The following SCAPER variants were observed in gnomAD, a reference collection of about 807,000 sequenced individuals.
SCAPER encodes S phase cyclin A-associated protein in the endoplasmic reticulum.
Under a neutral mutation model 182.2 loss-of-function variants are expected in SCAPER, and 98 were observed. That is an observed-to-expected ratio of 0.54 (90% CI 0.46 to 0.64). The LOEUF (loss-of-function observed/expected upper bound fraction) is 0.64, where lower values mean the gene tolerates loss of function less well. SCAPER is among the 30% of genes least tolerant of loss of function. SCAPER has a pLI of 0.00. For missense variants in SCAPER, 1,432 were observed against 1,690.0 expected (o/e 0.85, Z 2.68); for synonymous variants, 605 against 564.6 (o/e 1.07, Z -1.01).
At chr15:76,728,763 A>G (rs1257906859) in intron 16 of SCAPER, 26 bp from the exon 17 acceptor site, 1 of 1,591,036 alleles carries the variant, frequency 6.3e-7, no homozygotes, top group African/African-American at 1.4e-5. Flanking sequence ...TTTGTTTCCA[A>G]TATTAGAATT....
At chr15:76,780,891 T>A (rs1247527175) in intron 8 of SCAPER, among the ~76,000 whole-genome samples, 1 of 152,044 alleles carries the variant, frequency 6.6e-6, no homozygotes, top group Non-Finnish European at 1.5e-5. Flanking sequence ...GTCACCAACA[T>A]CAAGGATCAA....
At chr15:76,507,036 A>T (rs1165616986) in intron 23 of SCAPER, among the ~76,000 whole-genome samples, 3 of 152,182 alleles carry the variant, frequency 2.0e-5, no homozygotes, top group Non-Finnish European at 4.4e-5. Context: ...AAAAAATAAG[A>T]TAGCAACTTA....
At chr15:76,609,435 T>G (rs1297176236) in intron 22 of SCAPER, among the ~76,000 whole-genome samples, 1 of 152,072 alleles carries the variant, frequency 6.6e-6, no homozygotes, top group African/African-American at 2.4e-5. Flanking sequence ...TACAGTAAGC[T>G]ATGATCATGC....
At chr15:76,490,186 A>T (rs2052148378) in intron 24 of SCAPER, among the ~76,000 whole-genome samples, 1 of 152,208 alleles carries the variant, frequency 6.6e-6, no homozygotes, top group South Asian at 2.1e-4. Flanking sequence ...TGGGTCATAC[A>T]GTAGTTCTAC....
intron 17 of SCAPER, among the ~76,000 whole-genome samples, chr15:76,710,488 C>G (rs2059504008): frequency 6.6e-6 from 1 of 152,010 alleles, no homozygotes; most frequent in African/African-American, 2.4e-5. Context: ...TTTCTACATA[C>G]TAGCAAGAAA....
At chr15:76,896,968 T>A (rs937206234) in intron 1 of SCAPER, among the ~76,000 whole-genome samples, 9 of 151,856 alleles carry the variant, frequency 5.9e-5, no homozygotes, top group East Asian at 1.9e-4. Context: ...TTTTTTTTTT[T>A]AAAAAGAGTA....
chr15:76,500,951 G>A (rs1239720055), intron 24 of SCAPER, among the ~76,000 whole-genome samples: 1 of 151,702 alleles, frequency 6.6e-6, no homozygotes, highest in African/African-American at 2.4e-5. Context: ...GCTGAGGCAC[G>A]TGAATCGCTT....
At chr15:76,466,351 T>C (rs1195000990) in intron 25 of SCAPER, among the ~76,000 whole-genome samples, 4 of 149,300 alleles carry the variant, frequency 2.7e-5, no homozygotes, top group Admixed American at 2.0e-4. Context: ...GAGTCTGCTG[T>C]TGAACCCCTA....
At chr15:76,730,761 AT>A (rs1312702700) in intron 16 of SCAPER, among the ~76,000 whole-genome samples, 2 of 152,138 alleles carry the variant, frequency 1.3e-5, no homozygotes, top group Non-Finnish European at 2.9e-5. Context: ...GAGGAATGTA[AT>A]TTTTTAAATC....
intron 5 of SCAPER, among the ~76,000 whole-genome samples, chr15:76,807,227 A>G (rs2066231230): frequency 6.6e-6 from 1 of 152,178 alleles, no homozygotes; most frequent in Admixed American, 6.5e-5. Context: ...CAGGTTAAGG[A>G]ATTTCCCTAT....
chr15:76,718,459 C>T (rs940536745), intron 17 of SCAPER, among the ~76,000 whole-genome samples: 4 of 151,978 alleles, frequency 2.6e-5, no homozygotes, highest in Admixed American at 6.6e-5. Context: ...GAGGCAAAAG[C>T]GGGCGGATCA....
chr15:76,498,350 G>A (rs759227150), intron 24 of SCAPER: 8 of 152,108 alleles, frequency 5.3e-5, no homozygotes, highest in Non-Finnish European at 7.4e-5. Flanking sequence ...ACCTGCTTCT[G>A]GAGCACAGTG....
At chr15:76,544,065 A>G (rs1309474816) in intron 23 of SCAPER, among the ~76,000 whole-genome samples, 1 of 152,168 alleles carries the variant, frequency 6.6e-6, no homozygotes, top group African/African-American at 2.4e-5. Flanking sequence ...AAATGGCTGA[A>G]ATGTATATGA....
At chr15:76,879,994 T>A (rs1408140942) in intron 2 of SCAPER, among the ~76,000 whole-genome samples, 1 of 152,222 alleles carries the variant, frequency 6.6e-6, no homozygotes, top group Non-Finnish European at 1.5e-5. Context: ...AATAAATGAA[T>A]AACTGGCAGA....
At chr15:76,887,122 C>G (rs928631045) in intron 1 of SCAPER, among the ~76,000 whole-genome samples, 1 of 152,162 alleles carries the variant, frequency 6.6e-6, no homozygotes, top group Non-Finnish European at 1.5e-5. Context: ...ACCAACATAA[C>G]AAACCTGCAC....
intron 3 of SCAPER, 44 bp downstream of exon 3, chr15:76,862,372 T>G (rs771518214): frequency 3.2e-6 from 4 of 1,264,400 alleles, no homozygotes; most frequent in South Asian, 2.5e-5. Flanking sequence ...AAATACACCC[T>G]CCTTATTTAC....
At chr15:76,803,324 C>G (rs867463301) in intron 6 of SCAPER, among the ~76,000 whole-genome samples, 1 of 152,190 alleles carries the variant, frequency 6.6e-6, no homozygotes. Context: ...TGTCTAACTC[C>G]TACTTAACAA....
intron 2 of SCAPER, among the ~76,000 whole-genome samples, chr15:76,873,070 T>C (rs1172553304): frequency 6.2e-5 from 8 of 129,980 alleles, no homozygotes; most frequent in African/African-American, 2.3e-4. Flanking sequence ...GGCAATAGAG[T>C]AGAATCTTGT....
Position 76,675,047 on chromosome 15 carries a change from C to T in SCAPER, c.2509-9258G>A, listed in dbSNP as rs1038052703. ...ACTTCAAGATAGTACTTATGGAGAG[C>T]GGATGGAATGCCAATGAGGCAGGAT... is the stretch of plus-strand genomic sequence containing the variant. On this transcript the variant is annotated intron_variant, in intron 20 of 31. Transcript: ENST00000563290. Among the ~76,000 whole-genome samples the T allele has an allele frequency of 4.6e-5, 7 of 152,228 alleles. No homozygotes were observed. The East Asian group carries it at 9.7e-4, about 21-fold the overall frequency.
Sources: allele counts gnomAD v4.1 joint callset (sites outside exome capture counted in the v4.1 genomes callset), GRCh38; gene constraint gnomAD v4.1.1; transcripts MANE v1.5; gene names NCBI Gene and HGNC (gene_info 2026-07-23, HGNC 2026-07-21).